Variants in SLC12A7 observed in about 807,000 individuals in gnomAD.
SLC12A7 encodes the protein K-Cl cotransporter 4.
Under a neutral mutation model 120.6 loss-of-function variants are expected in SLC12A7, and 100 were observed. That is an observed-to-expected ratio of 0.83 (90% CI 0.71 to 0.98). The LOEUF is 0.98. Among genes scored for constraint, SLC12A7 ranks in the 50% least tolerant of loss-of-function variants. The pLI is 0.00. For synonymous variants in SLC12A7, 760 were observed against 678.0 expected, an observed-to-expected ratio of 1.12 and a Z score of -1.88; for missense variants, 1,373 against 1,548.1, an observed-to-expected ratio of 0.89 and a Z score of 1.90.
chr5:1,093,710 A>C, intron 2 of SLC12A7, 55 bp from the exon 3 acceptor site: 1 of 1,601,100 alleles, frequency 6.2e-7, no homozygotes, highest in Non-Finnish European at 8.5e-7. Context: ...GGGCCCCCCG[A>C]CCTCCCTCCC....
At chr5:1,128,845 C>T in the SLC12A7 span, among the ~76,000 whole-genome samples, 1 of 152,214 alleles carries the variant, frequency 6.6e-6, no homozygotes, top group African/African-American at 2.4e-5. Flanking sequence ...TTTGCATACA[C>T]ACATATGTGC....
At chr5:1,137,870 A>G in the SLC12A7 span, among the ~76,000 whole-genome samples, 1 of 152,194 alleles carries the variant, frequency 6.6e-6, no homozygotes, top group African/African-American at 2.4e-5. Context: ...CACTGTGAGG[A>G]GAATCATGGA....
In SLC12A7 at chr5:1,076,812, C is replaced by T. The variant is rs780616811; in HGVS notation, c.1630G>A (p.Val544Met). 3.7e-6 allele frequency: 6 copies of T among 1,603,232 alleles called. No homozygotes were observed. The South Asian group carries it at 6.6e-5, about 18-fold the overall frequency. The change falls in exon 13 of 24, where the codon GTG (valine) becomes ATG (methionine). Residue 544 changes from valine (V) to methionine (M), a missense_variant and splice_region_variant. Val to Met is a conservative substitution (Grantham distance 21). Transcript: ENST00000264930. ...CCGTTGGCCTTCCCGTGGCCAAACA[C>T]CTGCAGGGAGAAGGGCAGGAAGATG... Reference protein sequence around the residue: ...ARDGIVPFLQVFGHGKANGEP... With the variant: ...ARDGIVPFLQMFGHGKANGEP...
Position 1,105,272 on chromosome 5 carries a change from A to G in SLC12A7, c.124+6596T>C, listed in dbSNP as rs1381809479. On this transcript the variant is annotated intron_variant, in intron 1 of 23. Coordinates refer to ENST00000264930, the MANE Select transcript of SLC12A7 (RefSeq NM_006598.3). The stretch of plus-strand genomic sequence containing the variant: ...ACCAGCCAAAGGGAACCCTCCCCGC[A>G]GGGGTTAGGTCCTGCAGTCACCCAC... Among the ~76,000 whole-genome samples the G allele has an allele frequency of 2.8e-5, 4 of 142,942 alleles. No homozygotes were observed. In the East Asian group the frequency reaches 8.7e-4, roughly 31 times the overall value. 93.8% of individuals were successfully genotyped at this position (142,942 alleles called of 152,430 possible).
chr5:1,084,551 G>A (rs906397175), intron 7 of SLC12A7, among the ~76,000 whole-genome samples: 8 of 152,212 alleles, frequency 5.3e-5, no homozygotes, highest in African/African-American at 1.7e-4. Flanking sequence ...AGTCTACACA[G>A]GGCCGTAGCG....
the SLC12A7 span, among the ~76,000 whole-genome samples, chr5:1,124,114 C>A: frequency 6.6e-6 from 1 of 152,132 alleles, no homozygotes; most frequent in Non-Finnish European, 1.5e-5. Flanking sequence ...ATGGACCTCG[C>A]AATGCAAAAC....
the SLC12A7 span, among the ~76,000 whole-genome samples, chr5:1,136,788 G>A: frequency 1.3e-3 from 151 of 116,844 alleles, no homozygotes; most frequent in African/African-American, 5.1e-3. Flanking sequence ...CCAACACCAG[G>A]ACACGCAGGC....
chr5:1,155,031 C>T, the SLC12A7 span, among the ~76,000 whole-genome samples: 1 of 152,224 alleles, frequency 6.6e-6, no homozygotes, highest in Non-Finnish European at 1.5e-5. Context: ...AGGCAGGGCC[C>T]TCCTCAGCCC....
chr5:1,123,318 G>T, the SLC12A7 span, among the ~76,000 whole-genome samples: 5 of 152,088 alleles, frequency 3.3e-5, no homozygotes, highest in East Asian at 9.7e-4. Context: ...AGGAGTGGTC[G>T]CAGGGACCCC....
chr5:1,128,794 C>A, the SLC12A7 span, among the ~76,000 whole-genome samples: 1 of 152,178 alleles, frequency 6.6e-6, no homozygotes, highest in Non-Finnish European at 1.5e-5. Context: ...CCTGCCTGGT[C>A]TCTACACGGC....
In SLC12A7 at chr5:1,058,297, C is replaced by T. The variant is rs1024034828; in HGVS notation, c.2848-648G>A. On this transcript the variant is annotated intron_variant, in intron 21 of 23. Transcript: ENST00000264930. ...GCGAGATCGCACCAATGGCGCAGCC[C>T]CTGGTGGTTAAACACCCTCCACTGG... is the stretch of plus-strand genomic sequence containing the variant. Among the ~76,000 whole-genome samples the T allele has an allele frequency of 2.8e-4, 42 of 152,386 alleles. 1 individual carries two copies. The South Asian group carries it at 4.6e-3, about 17-fold the overall frequency.
intron 17 of SLC12A7, among the ~76,000 whole-genome samples, chr5:1,068,674 G>C (rs909301115): frequency 1.4e-4 from 22 of 152,182 alleles, no homozygotes; most frequent in Admixed American, 8.5e-4. Flanking sequence ...CCTCCCGTCC[G>C]CAAGAGCGGG....
chr5:1,094,554 A>ACACGC (rs1740891778), intron 1 of SLC12A7, among the ~76,000 whole-genome samples: 3 of 152,182 alleles, frequency 2.0e-5, no homozygotes, highest in Non-Finnish European at 4.4e-5. Context: ...GCTCCAGGGC[A>ACACGC]TACGCTATCC....
the SLC12A7 span, among the ~76,000 whole-genome samples, chr5:1,128,444 C>T: frequency 6.6e-6 from 1 of 152,214 alleles, no homozygotes; most frequent in Non-Finnish European, 1.5e-5. Context: ...ACCCAGTGAC[C>T]CTGGAGCATG....
chr5:1,120,502 C>T, the SLC12A7 span, among the ~76,000 whole-genome samples: 1 of 152,270 alleles, frequency 6.6e-6, no homozygotes, highest in Non-Finnish European at 1.5e-5. Flanking sequence ...CTCACAGCCG[C>T]TGTACCTCCC....
rs1739125641 is a variant in SLC12A7 at position 1,081,630 on chromosome 5, T to C, written c.1244A>G (p.Asp415Gly). 6.2e-7 allele frequency: 1 copy of C among 1,611,770 alleles called. No individual in the cohort carries two copies. Among genetic ancestry groups the C allele is most frequent in the Non-Finnish European group, 8.5e-7 (1 of 1,178,856 alleles). Reference sequence around the variant, plus strand: ...CAGCAGGGTGAAGGAGGCCGCGATGTCGGTGAGCACGTAGGGCAGTGCGCT... The same window carrying C: ...CAGCAGGGTGAAGGAGGCCGCGATGCCGGTGAGCACGTAGGGCAGTGCGCT... ...RASALPYVLT[D>G]IAASFTLLVG... The change falls in exon 9 of 24, where the codon GAC becomes GGC. Residue 415 changes from aspartate to glycine, a missense_variant. Asp to Gly is a moderately conservative substitution (Grantham distance 94). Transcript: ENST00000264930.
At chr5:1,052,618 G>A (rs1218802596) in intron 23 of SLC12A7, among the ~76,000 whole-genome samples, 167 bp from the exon 24 acceptor site, 1 of 128,382 alleles carries the variant, frequency 7.8e-6, no homozygotes, top group Non-Finnish European at 1.8e-5. Context: ...CCCAGGCGGG[G>A]AGGAGCAGGG....
chr5:1,143,353 G>A, the SLC12A7 span, among the ~76,000 whole-genome samples: 1 of 152,216 alleles, frequency 6.6e-6, no homozygotes, highest in Non-Finnish European at 1.5e-5. Flanking sequence ...GGAAGTCCCA[G>A]ACCAAGGGGC....
At position 1,081,669 on chromosome 5, in the gene SLC12A7, T is replaced by G. The variant is rs765645450; in HGVS notation, c.1205A>C (p.Glu402Ala). Residue 402 changes from glutamate (E) to alanine (A), a missense_variant, in exon 9 of 24, where the codon GAG becomes GCG. By Grantham distance (107) the Glu-to-Ala change is moderately radical. Coordinates refer to ENST00000264930, the MANE Select transcript of SLC12A7 (RefSeq NM_006598.3). Reference sequence around the variant, plus strand: ...GGGCAGTGCGCTGGCACGGCTCTCCTCTGCCACGGGCACCGAGGGCACACC... The same window carrying G: ...GGGCAGTGCGCTGGCACGGCTCTCCGCTGCCACGGGCACCGAGGGCACACC... Reference protein sequence around the residue: ...KKGVPSVPVAEESRASALPYV... With the variant: ...KKGVPSVPVAAESRASALPYV... 8.7e-6 allele frequency: 14 copies of G among 1,613,122 alleles called. No individual in the cohort carries two copies. Among genetic ancestry groups the G allele is most frequent in the Non-Finnish European group, 1.2e-5 (14 of 1,179,974 alleles).
Sources: gnomAD v4.1 joint callset for allele counts (sites outside exome capture counted in the v4.1 genomes callset) on GRCh38, gnomAD v4.1.1 for gene constraint, MANE v1.5 for transcripts, NCBI Gene and HGNC (gene_info 2026-07-23, HGNC 2026-07-21) for gene names.